Variants in KLRG1 observed in about 807,000 individuals in gnomAD.
The protein encoded by KLRG1 is killer cell lectin-like receptor subfamily G member 1.
In KLRG1, 16 loss-of-function variants were observed where a neutral mutation model predicts 21.8. The ratio of observed to expected loss-of-function variants is 0.73; its 90% CI spans 0.50 to 1.11. KLRG1 has a LOEUF of 1.11. KLRG1 is among the 50% of genes most tolerant of loss of function. The pLI is 0.00. For missense variants in KLRG1, 173 were observed against 218.3 expected (o/e 0.79, Z 1.31); for synonymous variants, 69 against 75.9 (o/e 0.91, Z 0.47).
chr12:9,034,088 T>C, the KLRG1 span, among the ~76,000 whole-genome samples: 1 of 152,212 alleles, frequency 6.6e-6, no homozygotes, highest in Admixed American at 6.5e-5. Context: ...TTGTGTATTG[T>C]ATCAGTCAGG....
chr12:9,091,230 C>A, the KLRG1 span: 2 of 1,614,044 alleles, frequency 1.2e-6, no homozygotes, highest in Non-Finnish European at 8.5e-7. Flanking sequence ...TAGTTTAGGA[C>A]CGTGGCCTTG....
intron 2 of KLRG1, among the ~76,000 whole-genome samples, chr12:8,994,224 C>T (rs1426510654): frequency 6.6e-6 from 1 of 151,998 alleles, no homozygotes; most frequent in African/African-American, 2.4e-5. Context: ...CCACCATGCC[C>T]AGCTGATTTT....
chr12:9,077,325 G>A, the KLRG1 span: 64 of 1,603,512 alleles, frequency 4.0e-5, no homozygotes, highest in Non-Finnish European at 5.0e-5. Context: ...TCCTTCAGCA[G>A]AGGAATGGGG....
the KLRG1 span, chr12:9,052,722 A>C: frequency 5.0e-6 from 2 of 403,888 alleles, no homozygotes; most frequent in Non-Finnish European, 9.7e-6. Flanking sequence ...ATCTTGCCTC[A>C]TTTTTCACTT....
the KLRG1 span, among the ~76,000 whole-genome samples, chr12:9,214,686 G>A: frequency 2.6e-5 from 4 of 151,866 alleles, no homozygotes; most frequent in South Asian, 4.2e-4. Flanking sequence ...CAATGCGTCC[G>A]TCCAGATAGC....
the KLRG1 span, among the ~76,000 whole-genome samples, chr12:9,047,309 A>C: frequency 6.6e-6 from 1 of 152,262 alleles, no homozygotes; most frequent in Non-Finnish European, 1.5e-5. Flanking sequence ...GTTCTCTCTT[A>C]TAAGGTATGT....
chr12:9,201,429 TG>T, the KLRG1 span: 79 of 1,059,446 alleles, frequency 7.5e-5, 1 homozygote, highest in African/African-American at 1.2e-3. Context: ...AACAACAAAC[TG>T]AGGAAGAATA....
chr12:9,128,294 C>A, the KLRG1 span: 1 of 158,768 alleles, frequency 6.3e-6, no homozygotes, highest in South Asian at 1.7e-4. Context: ...GAAGCCTGGT[C>A]ACCAGCCAGA....
the KLRG1 span, among the ~76,000 whole-genome samples, chr12:9,211,755 C>T: frequency 6.6e-6 from 1 of 152,216 alleles, no homozygotes; most frequent in Non-Finnish European, 1.5e-5. Context: ...AGGTAAAGAT[C>T]CTCAGGATCC....
the KLRG1 span, among the ~76,000 whole-genome samples, chr12:9,076,308 T>C: frequency 6.6e-6 from 1 of 152,338 alleles, no homozygotes; most frequent in African/African-American, 2.4e-5. Flanking sequence ...ATTCATTTAT[T>C]ACAACAGCTC....
At chr12:9,014,484 T>C (rs1028601092), downstream of KLRG1, among the ~76,000 whole-genome samples, 33 of 152,104 alleles carry the variant, frequency 2.2e-4, no homozygotes, top group African/African-American at 8.0e-4. Context: ...AAAAAAACTT[T>C]TACCCTAGAG....
chr12:9,150,603 C>T, the KLRG1 span: 1 of 1,332,734 alleles, frequency 7.5e-7, no homozygotes, highest in South Asian at 1.2e-5. Context: ...GGATCCATTT[C>T]TTGGCTCTGG....
At chr12:9,081,833 A>G in the KLRG1 span, among the ~76,000 whole-genome samples, 1 of 152,226 alleles carries the variant, frequency 6.6e-6, no homozygotes, top group Admixed American at 6.5e-5. Flanking sequence ...AGAAACAAAG[A>G]AGGACAGAGC....
the KLRG1 span, among the ~76,000 whole-genome samples, chr12:9,034,239 A>G: frequency 1.3e-5 from 2 of 152,216 alleles, no homozygotes; most frequent in Admixed American, 6.5e-5. Context: ...TCCTAGTGAC[A>G]TCCTATCTCT....
chr12:9,116,197 C>T, the KLRG1 span: 9 of 330,726 alleles, frequency 2.7e-5, no homozygotes, highest in East Asian at 1.5e-4. Context: ...CTCCTCACAA[C>T]GCCTTTTATG....
At chr12:8,996,561 A>G (rs1272143765) in intron 3 of KLRG1, 2 of 152,208 alleles carry the variant, frequency 1.3e-5, no homozygotes, top group African/African-American at 4.8e-5. Context: ...TAAATTTTAT[A>G]GCTACCTATA....
At chr12:9,196,317 C>T in the KLRG1 span, 5 of 1,575,364 alleles carry the variant, frequency 3.2e-6, no homozygotes, top group East Asian at 9.0e-5. Context: ...CTGTGCATTA[C>T]AACATATCTT....
intron 3 of KLRG1, among the ~76,000 whole-genome samples, chr12:8,999,728 T>G (rs1357986044): frequency 6.6e-6 from 1 of 152,212 alleles, no homozygotes; most frequent in Non-Finnish European, 1.5e-5. Flanking sequence ...TTTCCTCATG[T>G]ACAAAGTGAA....
chr12:8,973,712 T>A (rs1438432701), intron 1 of KLRG1, among the ~76,000 whole-genome samples: 1 of 152,106 alleles, frequency 6.6e-6, no homozygotes, highest in Non-Finnish European at 1.5e-5. Context: ...TATCTGTGTC[T>A]TATTTAATTT....
Sources: allele counts gnomAD v4.1 joint callset (sites outside exome capture counted in the v4.1 genomes callset), GRCh38; gene constraint gnomAD v4.1.1; transcripts MANE v1.5; gene names NCBI Gene and HGNC (gene_info 2026-07-23, HGNC 2026-07-21).